The following BAZ2B variants were observed in gnomAD, a reference collection of about 807,000 sequenced individuals.
BAZ2B encodes the protein bromodomain adjacent to zinc finger domain 2B.
Under a neutral mutation model 246.0 loss-of-function variants are expected in BAZ2B, and 91 were observed. That is an observed-to-expected ratio of 0.37 (90% confidence interval 0.31 to 0.44). The LOEUF is 0.44. Among genes scored for constraint, BAZ2B ranks in the 20% least tolerant of loss-of-function variants. The probability of loss-of-function intolerance (pLI) is 1.00; values close to 1 mark genes in which losing one functional copy is unlikely to be tolerated. For synonymous variants in BAZ2B, 855 were observed against 860.0 expected, an observed-to-expected ratio of 0.99 and a Z score of 0.10; for missense variants, 2,332 against 2,533.7, an observed-to-expected ratio of 0.92 and a Z score of 1.71.
rs1577368718 is a variant in BAZ2B at position 159,466,412 on chromosome 2, T to G, written c.145+12163A>C. The stretch of plus-strand genomic sequence containing the variant: ...TAATTGTTTCTTATTATTATATATT[T>G]TGTGTCAGGCACTGACTGGATACAT... On this transcript the variant is annotated intron_variant, in intron 3 of 36. Transcript: ENST00000392783. Among the ~76,000 whole-genome samples, 3 of 152,336 alleles carry G rather than the reference T, an allele frequency of 2.0e-5. No homozygotes were observed. The South Asian group carries it at 6.2e-4, about 32-fold the overall frequency.
intron 13 of BAZ2B, among the ~76,000 whole-genome samples, chr2:159,414,855 T>C (rs926223824): frequency 6.6e-6 from 1 of 151,580 alleles, no homozygotes; most frequent in African/African-American, 2.4e-5. Context: ...CATATATATA[T>C]ACCTATTATG....
chr2:159,372,467 TA>T (rs1350856393), intron 27 of BAZ2B, among the ~76,000 whole-genome samples: 2 of 152,190 alleles, frequency 1.3e-5, no homozygotes, highest in Admixed American at 1.3e-4. Flanking sequence ...CATAAATGCA[TA>T]ATGCACTCTG....
chr2:159,415,489 C>T (rs2067553250), intron 13 of BAZ2B, among the ~76,000 whole-genome samples: 1 of 150,754 alleles, frequency 6.6e-6, no homozygotes, highest in African/African-American at 2.4e-5. Context: ...ATACATGTAT[C>T]CTGCATGTGT....
chr2:159,505,257 ATTT>A (rs2082212184), intron 2 of BAZ2B, among the ~76,000 whole-genome samples: 1 of 152,152 alleles, frequency 6.6e-6, no homozygotes, highest in South Asian at 2.1e-4. Flanking sequence ...TGTAAAATGA[ATTT>A]TTTACTTCAT....
rs879893531 is a variant in BAZ2B, at chr2:159,481,788, G to GA, written c.-2-3068dup. Among the ~76,000 whole-genome samples the GA allele has an allele frequency of 2.9e-3, 395 of 134,246 alleles. 1 individual carries two copies. Among genetic ancestry groups the GA allele is most frequent in the African/African-American group, 8.8e-3 (322 of 36,630 alleles). 88.1% of individuals were successfully genotyped at this position (134,246 alleles called of 152,430 possible). A position where few individuals can be genotyped will look rare whatever the true frequency, so the allele number is the denominator to read the frequency against. On this transcript the variant is annotated intron_variant, in intron 2 of 36. Transcript: ENST00000392783. ...AAAAGTGTCACAGTCATGAAAGAAAGAAAAAAAAAAAGACTGTGGAATTGC... is the reference window on the plus strand; with the variant it reads ...AAAAGTGTCACAGTCATGAAAGAAAGAAAAAAAAAAAAGACTGTGGAATTGC...
intron 1 of BAZ2B, among the ~76,000 whole-genome samples, chr2:159,584,361 C>T (rs1687565351): frequency 6.6e-6 from 1 of 152,102 alleles, no homozygotes; most frequent in Non-Finnish European, 1.5e-5. Flanking sequence ...ACCTCATGAT[C>T]CTACCCACTC....
At chr2:159,478,532 A>G (rs777609459) in intron 3 of BAZ2B, 43 bp downstream of exon 3, 12 of 1,553,972 alleles carry the variant, frequency 7.7e-6, no homozygotes, top group Admixed American at 5.9e-5. Context: ...GCAAATTATT[A>G]AAAGAATGGC....
At chr2:159,408,160 C>T (rs951454151) in intron 14 of BAZ2B, among the ~76,000 whole-genome samples, 14 of 151,898 alleles carry the variant, frequency 9.2e-5, no homozygotes, top group Admixed American at 3.9e-4. Flanking sequence ...AATTTCAAGC[C>T]CTACACAAGT....
At chr2:159,544,057 T>C (rs1043836574) in intron 2 of BAZ2B, among the ~76,000 whole-genome samples, 1 of 152,210 alleles carries the variant, frequency 6.6e-6, no homozygotes, top group Non-Finnish European at 1.5e-5. Context: ...TTTTAGAGTT[T>C]TCCACAGTCT....
chr2:159,408,063 A>C (rs2066233681), intron 14 of BAZ2B, among the ~76,000 whole-genome samples: 1 of 152,244 alleles, frequency 6.6e-6, no homozygotes, highest in Non-Finnish European at 1.5e-5. Context: ...TGCAAGCTAA[A>C]CTGATATTCT....
intron 32 of BAZ2B, chr2:159,337,324 T>C: frequency 8.4e-7 from 1 of 1,188,342 alleles, no homozygotes; most frequent in Non-Finnish European, 1.1e-6. Context: ...AAAAAAGTTT[T>C]TACAAAGCAC....
At chr2:159,710,903 T>TA in the BAZ2B span, 1 of 152,174 alleles carries the variant, frequency 6.6e-6, no homozygotes, top group East Asian at 1.9e-4. Context: ...ACCTATGTAA[T>TA]ATTAAGTCAC....
chr2:159,672,782 ATAAT>A, the BAZ2B span, among the ~76,000 whole-genome samples: 1 of 152,222 alleles, frequency 6.6e-6, no homozygotes, highest in African/African-American at 2.4e-5. Context: ...TTTTTGATAA[ATAAT>A]GTTGAGATAA....
At chr2:159,331,436 G>A (rs2064753081) in intron 34 of BAZ2B, among the ~76,000 whole-genome samples, 1 of 152,116 alleles carries the variant, frequency 6.6e-6, no homozygotes, top group African/African-American at 2.4e-5. Flanking sequence ...GGCATGATCT[G>A]GGTTCACTGC....
the BAZ2B span, among the ~76,000 whole-genome samples, chr2:159,682,844 C>T: frequency 6.6e-6 from 1 of 151,880 alleles, no homozygotes; most frequent in African/African-American, 2.4e-5. Flanking sequence ...GCAATTATTC[C>T]AGAAGATGAA....
intron 27 of BAZ2B, among the ~76,000 whole-genome samples, chr2:159,368,262 A>G (rs2060442172): frequency 2.6e-5 from 4 of 152,148 alleles, no homozygotes; most frequent in Admixed American, 2.6e-4. Context: ...TACGTTGCCC[A>G]GGCTCGTTGT....
intron 2 of BAZ2B, among the ~76,000 whole-genome samples, chr2:159,531,182 T>G (rs2085342911): frequency 6.6e-6 from 1 of 152,168 alleles, no homozygotes; most frequent in African/African-American, 2.4e-5. Context: ...AAGTCATAAT[T>G]TAAGAGTCAT....
chr2:159,653,892 A>G, the BAZ2B span, among the ~76,000 whole-genome samples: 305 of 152,318 alleles, frequency 2.0e-3, no homozygotes, highest in Non-Finnish European at 3.7e-3. Context: ...CCTCTGTACC[A>G]TATCTTCATC....
At position 159,509,628 on chromosome 2, in the gene BAZ2B, T is replaced by A. The variant is rs1428319429; in HGVS notation, c.-2-30907A>T. ...AGCTATCTGGAAACAGTTTTGTGGTTCCTCCAAAAAGTTAATGTAAAATTA... is the reference window on the plus strand; with the variant it reads ...AGCTATCTGGAAACAGTTTTGTGGTACCTCCAAAAAGTTAATGTAAAATTA... On this transcript the variant is annotated intron_variant, in intron 2 of 36. Transcript: ENST00000392783. Among the ~76,000 whole-genome samples the A allele has an allele frequency of 2.0e-5, 3 of 152,124 alleles. No homozygotes were observed. The East Asian group carries it at 5.8e-4, about 29-fold the overall frequency.
Sources: gnomAD v4.1 joint callset for allele counts (sites outside exome capture counted in the v4.1 genomes callset) on GRCh38, gnomAD v4.1.1 for gene constraint, MANE v1.5 for transcripts, NCBI Gene and HGNC (gene_info 2026-07-23, HGNC 2026-07-21) for gene names.